ARHGAP32: variants seen among roughly 807,000 people sequenced by gnomAD.
ARHGAP32 encodes the protein rho GTPase-activating protein 32.
In ARHGAP32, 51 loss-of-function variants were observed where a neutral mutation model predicts 186.5. The ratio of observed to expected loss-of-function variants is 0.27; its 90% CI spans 0.22 to 0.35. The LOEUF (loss-of-function observed/expected upper bound fraction) is 0.35. Among genes scored for constraint, ARHGAP32 ranks in the 10% least tolerant of loss-of-function variants. The pLI is 1.00. For missense variants in ARHGAP32, 2,186 were observed against 2,623.5 expected, an observed-to-expected ratio of 0.83 and a Z score of 3.64; for synonymous variants, 950 against 964.3, an observed-to-expected ratio of 0.99 and a Z score of 0.27.
chr11:128,981,644 C>T, intron 16 of ARHGAP32, 83 bp from the exon 17 acceptor site: 5 of 1,427,944 alleles, frequency 3.5e-6, no homozygotes, highest in South Asian at 2.7e-5. Context: ...AAATCTCAGA[C>T]AAACAGAGGA....
At chr11:129,223,454 T>C (rs1944738391) in intron 1 of ARHGAP32, among the ~76,000 whole-genome samples, 1 of 151,996 alleles carries the variant, frequency 6.6e-6, no homozygotes, top group Admixed American at 6.6e-5. Flanking sequence ...TAATAGGCAG[T>C]GAAATAGACT....
In ARHGAP32 at chr11:129,144,254, C is replaced by T. The variant is rs201540573; in HGVS notation, c.226-19360G>A. On this transcript the variant is annotated intron_variant, in intron 2 of 22. Coordinates refer to ENST00000682385, the MANE Select transcript of ARHGAP32 (RefSeq NM_001378024.1). ...AGTACTAAGGAAAAAAATAATTAGG[C>T]TTTTACATGTTTATATATTGTGAGT... 6.6e-5 allele frequency among the ~76,000 whole-genome samples: 10 copies of T among 152,164 alleles called. No individual in the cohort carries two copies. In the East Asian group the frequency reaches 1.9e-3, roughly 29 times the overall value.
intron 6 of ARHGAP32, among the ~76,000 whole-genome samples, chr11:129,084,375 A>G (rs1413228610): frequency 6.6e-6 from 1 of 151,838 alleles, no homozygotes; most frequent in African/African-American, 2.4e-5. Flanking sequence ...ACAGACAAAT[A>G]TCTCTCATGA....
intron 2 of ARHGAP32, among the ~76,000 whole-genome samples, chr11:129,156,036 C>T (rs537606377): frequency 2.6e-5 from 4 of 152,320 alleles, no homozygotes; most frequent in Middle Eastern, 3.4e-3. Context: ...AAGACTGTGC[C>T]GTGAGAAACG....
chr11:129,042,331 G>A (rs932275788), intron 10 of ARHGAP32, among the ~76,000 whole-genome samples: 5 of 152,024 alleles, frequency 3.3e-5, no homozygotes, highest in African/African-American at 1.2e-4. Context: ...TGTTTATTTT[G>A]TGTAGAGATG....
intron 11 of ARHGAP32, among the ~76,000 whole-genome samples, chr11:129,003,337 CT>C (rs1211019424): frequency 3.9e-5 from 6 of 151,984 alleles, no homozygotes; most frequent in Admixed American, 6.6e-5. Flanking sequence ...TGATATTGGC[CT>C]GTAGTTTTCT....
intron 12 of ARHGAP32, among the ~76,000 whole-genome samples, chr11:128,997,222 G>GT (rs371282894): frequency 2.0e-4 from 31 of 151,874 alleles, no homozygotes; most frequent in African/African-American, 7.0e-4. Flanking sequence ...ATCCTCAGGG[G>GT]TTTTTTTTGT....
At chr11:128,999,268 G>A (rs948833735) in intron 11 of ARHGAP32, among the ~76,000 whole-genome samples, 7 of 152,104 alleles carry the variant, frequency 4.6e-5, no homozygotes, top group Admixed American at 1.3e-4. Context: ...GATGAAATAC[G>A]CCCTGGTCTC....
chr11:129,211,802 C>A (rs1478754433), intron 1 of ARHGAP32, among the ~76,000 whole-genome samples: 1 of 152,152 alleles, frequency 6.6e-6, no homozygotes, highest in Non-Finnish European at 1.5e-5. Flanking sequence ...CAAAAATATG[C>A]TTTTACTTTC....
chr11:129,201,906 A>C (rs564994734), intron 1 of ARHGAP32, among the ~76,000 whole-genome samples: 1 of 152,122 alleles, frequency 6.6e-6, no homozygotes, highest in Non-Finnish European at 1.5e-5. Flanking sequence ...TCGCTTGAGC[A>C]CAGGAGTTCG....
intron 2 of ARHGAP32, among the ~76,000 whole-genome samples, chr11:129,151,997 G>A (rs1343806543): frequency 2.0e-5 from 3 of 152,010 alleles, no homozygotes. Context: ...CGAGAAAAGA[G>A]GAGGCAAGAT....
intron 11 of ARHGAP32, among the ~76,000 whole-genome samples, chr11:129,013,045 G>A (rs1938160942): frequency 1.3e-5 from 2 of 152,164 alleles, no homozygotes; most frequent in South Asian, 4.1e-4. Context: ...TCTTGGTTTG[G>A]CAAGTTTAGA....
chr11:129,156,474 G>C (rs574260731), intron 2 of ARHGAP32, among the ~76,000 whole-genome samples: 2 of 152,262 alleles, frequency 1.3e-5, no homozygotes, highest in African/African-American at 4.8e-5. Context: ...CAAAGCCCCT[G>C]GGAAGTTGGG....
In ARHGAP32 at chr11:129,001,714, AT is replaced by A. The variant is rs61352621; in HGVS notation, c.1046-3247del. Among the ~76,000 whole-genome samples, 40 of 150,474 alleles carry A rather than the reference AT, an allele frequency of 2.7e-4. 1 individual carries two copies. The highest frequency in any genetic ancestry group is 3.5e-3 in the Middle Eastern group (1 of 288). ...TCTAATTGTCCTGGAGATTTTTCCC[AT>A]TTTTTTTTAGTAGTTTTATAGTTTG... On this transcript the variant is annotated intron_variant, in intron 11 of 22. Coordinates refer to ENST00000682385, the MANE Select transcript of ARHGAP32 (RefSeq NM_001378024.1).
In ARHGAP32 at chr11:129,123,706, G is replaced by A. The variant is rs1942589611; in HGVS notation, c.360-176C>T. ...CTTAAAAATACACTGAGTCAGATGAGTATTACATTTAGTGTACAGATCAAA... is the reference window on the plus strand; with the variant it reads ...CTTAAAAATACACTGAGTCAGATGAATATTACATTTAGTGTACAGATCAAA... On this transcript the variant is annotated intron_variant, in intron 4 of 22. Transcript: ENST00000682385. This position sits in a 1 kb window ranked among gnomAD's most constrained non-coding sequence, Gnocchi z 4.6. 6.6e-6 allele frequency among the ~76,000 whole-genome samples: 1 copy of A among 152,054 alleles called. No homozygotes were observed.
Position 128,970,619 on chromosome 11 carries a change from G to C in ARHGAP32, c.4594C>G (p.Gln1532Glu), listed in dbSNP as rs774953284. 1 of 1,614,182 alleles carries C rather than the reference G, an allele frequency of 6.2e-7. No individual in the cohort carries two copies. The highest frequency in any genetic ancestry group is 1.1e-5 in the South Asian group (1 of 91,078). Residue 1532 changes from glutamine (Q) to glutamate (E), a missense_variant, in exon 23 of 23, where the codon CAA becomes GAA. Physicochemically the swap from Gln to Glu is conservative, Grantham distance 29. This residue lies in a region of ARHGAP32 where 1,502 missense variants were observed against 1,570.0 expected (regional missense o/e 0.96). Coordinates refer to ENST00000682385, the MANE Select transcript of ARHGAP32 (RefSeq NM_001378024.1). The surrounding 1 kb of genome is among the most constrained non-coding windows in gnomAD (Gnocchi z 5.8). Reference protein sequence around the residue: ...PPHHNKLEQHQVYGARSEPPA... With the variant: ...PPHHNKLEQHEVYGARSEPPA... ...GGCTCTGACCTGGCACCATACACTT[G>C]GTGCTGCTCCAATTTATTGTGATGG...
At chr11:128,997,710 A>C (rs1351774553) in intron 12 of ARHGAP32, among the ~76,000 whole-genome samples, 3 of 152,190 alleles carry the variant, frequency 2.0e-5, no homozygotes, top group Non-Finnish European at 4.4e-5. Context: ...AGATTCCTAT[A>C]AAAAATAAAA....
chr11:129,173,311 GTAAT>G (rs148008346), intron 1 of ARHGAP32, among the ~76,000 whole-genome samples: 2,226 of 149,190 alleles, frequency 0.015, 51 homozygotes, highest in African/African-American at 0.047. Flanking sequence ...AATTGAGGCA[GTAAT>G]TAATAGACCA....
Position 128,969,674 on chromosome 11 carries a change from C to T in ARHGAP32, c.5539G>A (p.Glu1847Lys), listed in dbSNP as rs750421315. 5.6e-6 allele frequency: 9 copies of T among 1,613,998 alleles called. No homozygotes were observed. Among genetic ancestry groups the T allele is most frequent in the Admixed American group, 1.7e-5 (1 of 60,010 alleles). Residue 1847 changes from glutamate (E) to lysine (K), a missense_variant, in exon 23 of 23, where the codon GAG (glutamate) becomes AAG (lysine). Coordinates refer to ENST00000682385, the MANE Select transcript of ARHGAP32 (RefSeq NM_001378024.1). This position sits in a 1 kb window ranked among gnomAD's most constrained non-coding sequence, Gnocchi z 4.8. ...TGGTGGGCTCTGTCCATCTCTGCCT[C>T]GGGATGCCTCCTATAGAAGCGGTCC... Reference protein sequence around the residue: ...GEDRFYRRHPEAEMDRAHHHG... With the variant: ...GEDRFYRRHPKAEMDRAHHHG...
Sources: gnomAD v4.1 joint callset for allele counts (sites outside exome capture counted in the v4.1 genomes callset) on GRCh38, gnomAD v4.1.1 for gene constraint, gnomAD v4.1.1 regional missense constraint, Gnocchi (gnomAD v3.1) non-coding constraint, MANE v1.5 for transcripts, NCBI Gene and HGNC (gene_info 2026-07-23, HGNC 2026-07-21) for gene names.